Variants in HNRNPR observed in about 807,000 individuals in gnomAD.
HNRNPR encodes heterogeneous nuclear ribonucleoprotein R.
Under a neutral mutation model 70.3 loss-of-function variants are expected in HNRNPR, and 4 were observed. The ratio of observed to expected loss-of-function variants is 0.06; its 90% confidence interval spans 0.03 to 0.13. The LOEUF is 0.13. Among genes scored for constraint, HNRNPR ranks in the 10% least tolerant of loss-of-function variants. The pLI is 1.00. For synonymous variants in HNRNPR, 241 were observed against 267.6 expected (o/e 0.90, Z 0.97); for missense variants, 423 against 788.5 (o/e 0.54, Z 5.55).
chr1:23,321,256 A>G (rs926051576), intron 7 of HNRNPR, among the ~76,000 whole-genome samples: 10 of 151,932 alleles, frequency 6.6e-5, no homozygotes, highest in Non-Finnish European at 1.2e-4. Context: ...TGTCAAGGGG[A>G]AAAAAAGCAT....
intron 8 of HNRNPR, among the ~76,000 whole-genome samples, chr1:23,315,331 C>T (rs1377963511): frequency 1.3e-5 from 2 of 149,724 alleles, no homozygotes; most frequent in Admixed American, 6.6e-5. Context: ...TGAAGAGGAG[C>T]TCTATGAGTT....
rs1412190752 is a variant in HNRNPR, at chr1:23,304,869, T to C, written c.*5585A>G. Reference sequence around the variant, plus strand: ...TGTTACTATATCCATATCAGCAATTTATGTTTGCAGGAGCCTTCAGTCCAA... The same window carrying C: ...TGTTACTATATCCATATCAGCAATTCATGTTTGCAGGAGCCTTCAGTCCAA... On this transcript the variant is annotated 3_prime_UTR_variant, in exon 11 of 11. Transcript: ENST00000302271. The C allele has an allele frequency of 6.6e-6, 1 of 152,220 alleles. No homozygotes were observed. Among genetic ancestry groups the C allele is most frequent in the Non-Finnish European group, 1.5e-5 (1 of 68,034 alleles). The allele number at this position is 152,220 out of a possible 1,614,324, so 9.4% of individuals were successfully genotyped here.
rs1569990742 is a variant in HNRNPR at position 23,323,646 on chromosome 1, A to G, written c.585T>C (p.Arg195=). Residue 195 remains arginine (R), a synonymous_variant, in exon 6 of 11, where the codon CGT becomes CGC. Transcript: ENST00000302271. ...GACCGGACAGTGGATCCATCATAAG[A>G]CGTAGATCCCAAATGGGTCCGGCCT... ...FEKAGPIWDL[R]LMMDPLSGQN... The G allele has an allele frequency of 6.2e-7, 1 of 1,614,008 alleles. No homozygotes were observed. The highest frequency in any genetic ancestry group is 8.5e-7 in the Non-Finnish European group (1 of 1,179,894).
Position 23,310,252 on chromosome 1 carries a change from C to T in HNRNPR, c.*202G>A, listed in dbSNP as rs1242986491. The T allele has an allele frequency of 2.1e-6, 1 of 479,706 alleles. No individual in the cohort carries two copies. Among genetic ancestry groups the T allele is most frequent in the East Asian group, 3.5e-5 (1 of 28,822 alleles). The allele number at this position is 479,706 out of a possible 1,614,324, so 29.7% of individuals were successfully genotyped here. ...CCCAGAATAAGGGAACTCTGCAAGCCCAATAATGTCCAAGAGCATTTATGA... is the reference window on the plus strand; with the variant it reads ...CCCAGAATAAGGGAACTCTGCAAGCTCAATAATGTCCAAGAGCATTTATGA... On this transcript the variant is annotated 3_prime_UTR_variant, in exon 11 of 11. Transcript: ENST00000302271. The surrounding 1 kb of genome is among the most constrained non-coding windows in gnomAD (Gnocchi z 6.0).
At chr1:23,329,072 G>A (rs972006710) in intron 5 of HNRNPR, among the ~76,000 whole-genome samples, 6 of 152,174 alleles carry the variant, frequency 3.9e-5, no homozygotes, top group African/African-American at 1.2e-4. Context: ...AGTGAGCTAC[G>A]ATTGTGCCAC....
At chr1:23,312,023 C>T (rs933399006) in intron 9 of HNRNPR, 2 of 152,224 alleles carry the variant, frequency 1.3e-5, no homozygotes, top group African/African-American at 4.8e-5. Context: ...CACCTAACAA[C>T]CTCTGCCATA....
Position 23,321,637 on chromosome 1 carries a change from A to C in HNRNPR, c.702T>G (p.Gly234=). 1 of 1,610,594 alleles carries C rather than the reference A, an allele frequency of 6.2e-7. No individual in the cohort carries two copies. Among genetic ancestry groups the C allele is most frequent in the Middle Eastern group, 1.7e-4 (1 of 6,044 alleles). The change falls in exon 7 of 11, where the codon GGT becomes GGG. Residue 234 remains glycine (G), a synonymous_variant. Transcript: ENST00000302271. ...KLCDSYEIRP[G]KHLGVCISVA... is the part of the protein sequence containing the mutation. Reference sequence around the variant, plus strand: ...CAGAAATGCACACTCCAAGGTGTTTACCAGGGCGAATTTCATAGCTGTCAC... The same window carrying C: ...CAGAAATGCACACTCCAAGGTGTTTCCCAGGGCGAATTTCATAGCTGTCAC...
In HNRNPR at chr1:23,310,850, T is replaced by C. The variant is rs1228715037; in HGVS notation, c.1506A>G (p.Arg502=). The C allele has an allele frequency of 6.2e-7, 1 of 1,613,924 alleles. No homozygotes were observed. ...CACCTCGCCCTCCCCTTCCTCCTCCTCTTCCTCTTACTGCATAGCCATCAT... is the reference window on the plus strand; with the variant it reads ...CACCTCGCCCTCCCCTTCCTCCTCCCCTTCCTCTTACTGCATAGCCATCAT... ...GYDDGYAVRG[R]GGGRGGRGAP... is the part of the protein sequence containing the mutation. Residue 502 remains arginine, a synonymous_variant, in exon 11 of 11, where the codon AGA becomes AGG. Coordinates refer to ENST00000302271, the MANE Select transcript of HNRNPR (RefSeq NM_005826.5). This position sits in a 1 kb window ranked among gnomAD's most constrained non-coding sequence, Gnocchi z 6.0.
At chr1:23,315,278 T>A (rs74531069) in intron 8 of HNRNPR, among the ~76,000 whole-genome samples, 2 of 78,864 alleles carry the variant, frequency 2.5e-5, no homozygotes, top group Non-Finnish European at 4.1e-5. Flanking sequence ...AGGCTCCGTC[T>A]CAAAAAAAAA....
intron 8 of HNRNPR, among the ~76,000 whole-genome samples, chr1:23,315,766 G>C (rs547796695): frequency 6.6e-6 from 1 of 152,070 alleles, no homozygotes; most frequent in Non-Finnish European, 1.5e-5. Context: ...TCAGATAAAG[G>C]GCTATCTAAT....
intron 3 of HNRNPR, 45 bp from the exon 4 acceptor site, chr1:23,337,906 C>A: frequency 8.8e-7 from 1 of 1,138,162 alleles, no homozygotes; most frequent in Non-Finnish European, 1.3e-6. Context: ...CCAAAAATAT[C>A]TGAAGGGTCA....
intron 6 of HNRNPR, among the ~76,000 whole-genome samples, 193 bp from the exon 7 acceptor site, chr1:23,321,856 T>C (rs1645773000): frequency 6.6e-6 from 1 of 152,230 alleles, no homozygotes; most frequent in Admixed American, 6.5e-5. Context: ...AGTTTGGTTT[T>C]GTTAACCTTC....
intron 6 of HNRNPR, among the ~76,000 whole-genome samples, chr1:23,322,331 G>A (rs1161077913): frequency 6.6e-6 from 1 of 151,968 alleles, no homozygotes; most frequent in Non-Finnish European, 1.5e-5. Context: ...CACCTCCTGG[G>A]TTGAAGTGAT....
rs1330940893 is a variant in HNRNPR at position 23,305,452 on chromosome 1, TC to T, written c.*5001del. 6.6e-6 allele frequency: 1 copy of T among 152,170 alleles called. No homozygotes were observed. Among genetic ancestry groups the T allele is most frequent in the Non-Finnish European group, 1.5e-5 (1 of 68,004 alleles). The allele number at this position is 152,170 out of a possible 1,614,324, so 9.4% of individuals were successfully genotyped here. A position where few individuals can be genotyped will look rare whatever the true frequency, so the allele number is the denominator to read the frequency against. The stretch of plus-strand genomic sequence containing the variant: ...ATGACACTGACTAGCACATTTAACA[TC>T]TAGGAAAGTCTTTCTAGACTGATAT... On this transcript the variant is annotated 3_prime_UTR_variant, in exon 11 of 11. Coordinates refer to ENST00000302271, the MANE Select transcript of HNRNPR (RefSeq NM_005826.5).
At position 23,337,792 on chromosome 1, in the gene HNRNPR, G is replaced by A. The variant is rs1646558971; in HGVS notation, c.346C>T (p.Gln116Ter). ...TCATCAGGTCCCTTTGTGGACTCTT[G>A]CACCTTGCTCCCCTGTTTCTCTCTC... The part of the protein sequence containing the change: ...RQREKQGSKV[Q>*]ESTKGPDEAK... The change falls in exon 4 of 11, where the codon CAA becomes TAA. Residue 116 changes from glutamine to a stop codon, truncating the protein, a stop_gained. Coordinates refer to ENST00000302271, the MANE Select transcript of HNRNPR (RefSeq NM_005826.5). LOFTEE classifies it high-confidence loss of function. The A allele has an allele frequency of 6.2e-7, 1 of 1,613,194 alleles. No individual in the cohort carries two copies. Among genetic ancestry groups the A allele is most frequent in the Admixed American group, 1.7e-5 (1 of 59,946 alleles).
chr1:23,332,077 G>C (rs1646255825), intron 5 of HNRNPR, among the ~76,000 whole-genome samples: 1 of 151,320 alleles, frequency 6.6e-6, no homozygotes, highest in Non-Finnish European at 1.5e-5. Flanking sequence ...GGTTGCAGTG[G>C]GCTGAGATCC....
intron 5 of HNRNPR, among the ~76,000 whole-genome samples, chr1:23,331,382 G>A (rs1331831456): frequency 7.4e-6 from 1 of 135,734 alleles, no homozygotes; most frequent in African/African-American, 2.8e-5. Context: ...GCAACACAGG[G>A]AGACTCCATC....
In HNRNPR at chr1:23,311,033, G is replaced by T. The variant is rs767901630; in HGVS notation, c.1323C>A (p.Arg441=). 5 of 1,614,086 alleles carry T rather than the reference G, an allele frequency of 3.1e-6. No homozygotes were observed. The highest frequency in any genetic ancestry group is 1.3e-5 in the African/African-American group (1 of 74,932). The change falls in exon 11 of 11, where the codon CGC becomes CGA. Residue 441 remains arginine, a synonymous_variant. Transcript: ENST00000302271. ...CCCGACCTCTAATTGGAGGTGGCATGCGAGGAGGAGGGTGGTAGTAATAAT... is the reference window on the plus strand; with the variant it reads ...CCCGACCTCTAATTGGAGGTGGCATTCGAGGAGGAGGGTGGTAGTAATAAT... ...YEDYYYHPPP[R]MPPPIRGRGR...
intron 4 of HNRNPR, among the ~76,000 whole-genome samples, chr1:23,336,103 C>A (rs1481093391): frequency 1.2e-5 from 1 of 86,702 alleles, no homozygotes; most frequent in African/African-American, 4.8e-5. Context: ...GGCGACAGAG[C>A]GAGACTCCGT....
Sources: gnomAD v4.1 joint callset for allele counts (sites outside exome capture counted in the v4.1 genomes callset) on GRCh38, gnomAD v4.1.1 for gene constraint, Gnocchi (gnomAD v3.1) non-coding constraint, MANE v1.5 for transcripts, NCBI Gene and HGNC (gene_info 2026-07-23, HGNC 2026-07-21) for gene names.